HACD3: variants seen among roughly 807,000 people sequenced by gnomAD.
HACD3 encodes the protein 3-hydroxyacyl-CoA dehydratase 3.
A neutral mutation model predicts 55.2 loss-of-function variants in HACD3; 30 were observed. The observed-to-expected ratio is 0.54, with a 90% CI of 0.41 to 0.74. The LOEUF (loss-of-function observed/expected upper bound fraction) is 0.74. Among genes scored for constraint, HACD3 ranks in the 30% least tolerant of loss-of-function variants. The probability of loss-of-function intolerance (pLI) is 0.00; values close to 1 mark genes in which losing one functional copy is unlikely to be tolerated. For missense variants in HACD3, 363 were observed against 440.1 expected (o/e 0.82, Z 1.57); for synonymous variants, 141 against 151.7 (o/e 0.93, Z 0.52).
intron 7 of HACD3, chr15:65,566,713 C>G (rs907585589): frequency 3.9e-5 from 6 of 152,158 alleles, no homozygotes; most frequent in African/African-American, 1.4e-4. Context: ...GCTAAGAAGT[C>G]TCAATTAGTA....
chr15:65,538,701 A>G (rs2071988192), intron 1 of HACD3, among the ~76,000 whole-genome samples: 1 of 152,238 alleles, frequency 6.6e-6, no homozygotes, highest in South Asian at 2.1e-4. Flanking sequence ...ATCAAACAGC[A>G]TTGCATGCTG....
At chr15:65,532,880 G>A (rs1165371534) in intron 1 of HACD3, among the ~76,000 whole-genome samples, 1 of 152,110 alleles carries the variant, frequency 6.6e-6, no homozygotes, top group East Asian at 1.9e-4. Context: ...AGCTTTTCAA[G>A]GGCATGCTAT....
intron 5 of HACD3, among the ~76,000 whole-genome samples, chr15:65,560,829 A>G (rs1434872474): frequency 6.7e-6 from 1 of 150,324 alleles, no homozygotes; most frequent in East Asian, 1.9e-4. Flanking sequence ...AGCCCGGATT[A>G]GATACCAGCT....
intron 1 of HACD3, among the ~76,000 whole-genome samples, chr15:65,536,119 T>G (rs2071952672): frequency 6.6e-6 from 1 of 152,140 alleles, no homozygotes. Context: ...CAGCCTCAAG[T>G]GATCCTTCCA....
In HACD3 at chr15:65,554,984, C is replaced by A. The variant is rs367637725; in HGVS notation, c.204+24C>A. On this transcript the variant is annotated intron_variant, in intron 3 of 10. Coordinates refer to ENST00000261875, the MANE Select transcript of HACD3 (RefSeq NM_016395.4). ...AGGTATGTTCTTTCCTTTCTCACTT[C>A]CCTTCCCATTTTAGGAAATGAATAC... is the stretch of plus-strand genomic sequence containing the variant. The A allele has an allele frequency of 9.0e-6, 14 of 1,547,122 alleles. No homozygotes were observed. The African/African-American group carries it at 1.9e-4, about 21-fold the overall frequency.
intron 3 of HACD3, 55 bp downstream of exon 3, chr15:65,555,015 G>A (rs2072174739): frequency 7.4e-7 from 1 of 1,359,018 alleles, no homozygotes; most frequent in Non-Finnish European, 1.1e-6. Flanking sequence ...AATACCAGTA[G>A]TTTAGTGAAA....
intron 2 of HACD3, among the ~76,000 whole-genome samples, 156 bp from the exon 3 acceptor site, chr15:65,554,731 T>C (rs886790027): frequency 4.0e-5 from 6 of 151,858 alleles, no homozygotes; most frequent in Non-Finnish European, 7.4e-5. Flanking sequence ...GCCGAGATCA[T>C]GCCACTGCAC....
At chr15:65,536,289 TGCCCA>T (rs2071954367) in intron 1 of HACD3, among the ~76,000 whole-genome samples, 1 of 152,094 alleles carries the variant, frequency 6.6e-6, no homozygotes, top group Admixed American at 6.6e-5. Flanking sequence ...TGAGCCACTG[TGCCCA>T]GCCACCATTG....
At chr15:65,568,974 G>A (rs1031246442) in intron 7 of HACD3, among the ~76,000 whole-genome samples, 2 of 152,078 alleles carry the variant, frequency 1.3e-5, no homozygotes, top group Admixed American at 6.5e-5. Flanking sequence ...TTGGCCGGGC[G>A]CGGTGGCTCA....
chr15:65,534,648 C>T (rs1473396471), intron 1 of HACD3, among the ~76,000 whole-genome samples: 1 of 152,178 alleles, frequency 6.6e-6, no homozygotes, highest in Non-Finnish European at 1.5e-5. Context: ...CCTGTCCTTA[C>T]CTAACAGAGT....
intron 8 of HACD3, among the ~76,000 whole-genome samples, chr15:65,570,539 G>T (rs2072337788): frequency 6.6e-6 from 1 of 152,182 alleles, no homozygotes; most frequent in African/African-American, 2.4e-5. Flanking sequence ...AGAAACAGGA[G>T]GTTGAAGGAG....
intron 1 of HACD3, among the ~76,000 whole-genome samples, chr15:65,549,755 T>C (rs1272986458): frequency 2.6e-5 from 4 of 152,196 alleles, no homozygotes; most frequent in Non-Finnish European, 5.9e-5. Flanking sequence ...CTGTCTCCAG[T>C]TGCCTTAACA....
intron 1 of HACD3, among the ~76,000 whole-genome samples, chr15:65,538,799 G>A (rs962069471): frequency 2.0e-5 from 3 of 152,172 alleles, no homozygotes; most frequent in African/African-American, 7.2e-5. Flanking sequence ...AGCCACTCCA[G>A]CCTTCAGCAG....
At chr15:65,542,949 C>T (rs950191395) in intron 1 of HACD3, among the ~76,000 whole-genome samples, 16 of 152,022 alleles carry the variant, frequency 1.1e-4, no homozygotes, top group African/African-American at 3.9e-4. Flanking sequence ...TGGCATGTGC[C>T]TGTAATCCCA....
chr15:65,556,496 C>CA (rs1159629666), intron 3 of HACD3, among the ~76,000 whole-genome samples: 4 of 142,610 alleles, frequency 2.8e-5, no homozygotes, highest in Admixed American at 1.5e-4. Context: ...AAGTTTCACT[C>CA]ACTTGCCCAC....
chr15:65,573,695 C>G (rs78251851), intron 10 of HACD3, among the ~76,000 whole-genome samples: 1 of 151,922 alleles, frequency 6.6e-6, no homozygotes, highest in East Asian at 1.9e-4. Context: ...CTATACTATA[C>G]TCTATACATA....
At chr15:65,573,587 G>A (rs1036145904) in intron 10 of HACD3, among the ~76,000 whole-genome samples, 10 of 141,140 alleles carry the variant, frequency 7.1e-5, no homozygotes, top group Non-Finnish European at 9.1e-5. Flanking sequence ...CAGCCTGTGT[G>A]ACAGAGCAAG....
chr15:65,576,497 C>A lies in HACD3; in HGVS notation c.*118C>A. On this transcript the variant is annotated 3_prime_UTR_variant, in exon 11 of 11. Coordinates refer to ENST00000261875, the MANE Select transcript of HACD3 (RefSeq NM_016395.4). The stretch of plus-strand genomic sequence containing the variant: ...TTAAATGATTAAATTCTCAGTGAGG[C>A]TATCTTCCTTTTCCCCAGTAACATT... 1 of 1,076,302 alleles carries A rather than the reference C, an allele frequency of 9.3e-7. No individual in the cohort carries two copies. Among genetic ancestry groups the A allele is most frequent in the Non-Finnish European group, 1.3e-6 (1 of 761,196 alleles). The allele number at this position is 1,076,302 out of a possible 1,614,324, so 66.7% of individuals were successfully genotyped here. A position where few individuals can be genotyped will look rare whatever the true frequency, so the allele number is the denominator to read the frequency against.
At chr15:65,565,418 C>G (rs1423148894) in intron 7 of HACD3, 1 of 152,298 alleles carries the variant, frequency 6.6e-6, no homozygotes, top group Non-Finnish European at 1.5e-5. Context: ...ATCCCTGCAG[C>G]AAACTTTTGC....
Sources: allele counts gnomAD v4.1 joint callset (sites outside exome capture counted in the v4.1 genomes callset), GRCh38; gene constraint gnomAD v4.1.1; transcripts MANE v1.5; gene names NCBI Gene and HGNC (gene_info 2026-07-23, HGNC 2026-07-21).